ELMO1: variants seen among roughly 807,000 people sequenced by gnomAD.
The protein encoded by ELMO1 is engulfment and cell motility 1, also known as engulfment and cell motility protein 1.
In ELMO1, 26 loss-of-function variants were observed where a neutral mutation model predicts 98.9. The observed-to-expected ratio is 0.26, with a 90% CI of 0.19 to 0.36. The LOEUF is 0.36. Among genes scored for constraint, ELMO1 ranks in the 10% least tolerant of loss-of-function variants. The probability of loss-of-function intolerance (pLI) is 1.00; values close to 1 mark genes in which losing one functional copy is unlikely to be tolerated. For missense variants in ELMO1, 627 were observed against 935.2 expected, an observed-to-expected ratio of 0.67 and a Z score of 4.30; for synonymous variants, 346 against 346.0, an observed-to-expected ratio of 1.00 and a Z score of 0.00.
chr7:37,257,083 CTCCTGCTCA>C (rs911409956), intron 6 of ELMO1, among the ~76,000 whole-genome samples: 1 of 152,224 alleles, frequency 6.6e-6, no homozygotes, highest in Non-Finnish European at 1.5e-5. Flanking sequence ...CAGGGGCAGC[CTCCTGCTCA>C]TCCTAGCAGG....
At chr7:37,265,150 C>A (rs151094226) in intron 5 of ELMO1, among the ~76,000 whole-genome samples, 29 of 152,236 alleles carry the variant, frequency 1.9e-4, no homozygotes, top group African/African-American at 6.5e-4. Flanking sequence ...CATCTTCCTA[C>A]TTCTAACAGC....
At chr7:37,274,107 A>G (rs10951513) in intron 4 of ELMO1, among the ~76,000 whole-genome samples, 12,634 of 152,164 alleles carry the variant, frequency 0.083, 708 homozygotes, top group African/African-American at 0.15. Flanking sequence ...CATTGTTACT[A>G]GAAGCATGCA....
intron 1 of ELMO1, among the ~76,000 whole-genome samples, chr7:37,441,962 T>TA (rs1805431897): frequency 1.3e-5 from 2 of 152,240 alleles, no homozygotes; most frequent in South Asian, 4.1e-4. Context: ...GGGGCACTTA[T>TA]AACTGCTGTT....
At chr7:36,901,207 T>G (rs1806479658) in intron 16 of ELMO1, among the ~76,000 whole-genome samples, 1 of 151,914 alleles carries the variant, frequency 6.6e-6, no homozygotes, top group African/African-American at 2.4e-5. Flanking sequence ...GATCAGGGAG[T>G]GGAGTACCTA....
At chr7:36,972,653 C>G (rs138067670) in intron 16 of ELMO1, among the ~76,000 whole-genome samples, 1 of 152,282 alleles carries the variant, frequency 6.6e-6, no homozygotes, top group African/African-American at 2.4e-5. Flanking sequence ...GGACACTAGT[C>G]ACACTGGATT....
chr7:37,440,729 A>G (rs1805379131), intron 1 of ELMO1, among the ~76,000 whole-genome samples: 1 of 151,370 alleles, frequency 6.6e-6, no homozygotes, highest in Non-Finnish European at 1.5e-5. Context: ...AGATCGCGCC[A>G]CTACACTCCA....
At chr7:37,168,827 G>T (rs200903905) in intron 13 of ELMO1, among the ~76,000 whole-genome samples, 4 of 151,878 alleles carry the variant, frequency 2.6e-5, no homozygotes, top group African/African-American at 4.8e-5. Context: ...CCCATTCTCA[G>T]ATCTCCAGCT....
At chr7:37,280,248 T>C (rs1420318707) in intron 4 of ELMO1, among the ~76,000 whole-genome samples, 1 of 152,184 alleles carries the variant, frequency 6.6e-6, no homozygotes, top group Non-Finnish European at 1.5e-5. Context: ...CTATAAAAAT[T>C]CTAGCAGATA....
chr7:37,226,127 G>C (rs1322112453), intron 8 of ELMO1, among the ~76,000 whole-genome samples: 1 of 152,154 alleles, frequency 6.6e-6, no homozygotes, highest in Admixed American at 6.5e-5. Flanking sequence ...GGAGGGGTGG[G>C]AGACGCAGAT....
intron 1 of ELMO1, among the ~76,000 whole-genome samples, chr7:37,436,297 C>G (rs1805140719): frequency 6.6e-6 from 1 of 152,162 alleles, no homozygotes; most frequent in African/African-American, 2.4e-5. Flanking sequence ...ACAGCGGACA[C>G]TGTAGTTGCT....
At chr7:37,150,379 ACAAT>A (rs1375389682) in intron 13 of ELMO1, among the ~76,000 whole-genome samples, 6 of 151,596 alleles carry the variant, frequency 4.0e-5, no homozygotes, top group Non-Finnish European at 7.4e-5. Flanking sequence ...CCACATTCAC[ACAAT>A]CAGTGTGTTG....
intron 1 of ELMO1, among the ~76,000 whole-genome samples, chr7:37,349,923 T>C (rs555129111): frequency 6.6e-6 from 1 of 152,350 alleles, no homozygotes; most frequent in East Asian, 1.9e-4. Flanking sequence ...GGTCAAGGAA[T>C]ACATGAAGTC....
In ELMO1 at chr7:37,145,086, G is replaced by A. The variant is rs1584715721; in HGVS notation, c.1087-11852C>T. Among the ~76,000 whole-genome samples the A allele has an allele frequency of 2.0e-5, 3 of 152,176 alleles. No homozygotes were observed. In the South Asian group the frequency reaches 6.2e-4, roughly 32 times the overall value. The stretch of plus-strand genomic sequence containing the variant: ...ACTTGAGCAGGCATCTGAATTTCTT[G>A]GAGGACTTGTTAAAGCACTGATTGC... On this transcript the variant is annotated intron_variant, in intron 13 of 21. Coordinates refer to ENST00000310758, the MANE Select transcript of ELMO1 (RefSeq NM_014800.11).
At chr7:37,095,597 C>T (rs1784328138) in intron 15 of ELMO1, among the ~76,000 whole-genome samples, 1 of 152,232 alleles carries the variant, frequency 6.6e-6, no homozygotes, top group Non-Finnish European at 1.5e-5. Context: ...AAGTTTTCCA[C>T]TTGGCCAACC....
intron 13 of ELMO1, among the ~76,000 whole-genome samples, chr7:37,165,216 T>C (rs1173312804): frequency 6.6e-6 from 1 of 152,252 alleles, no homozygotes; most frequent in Admixed American, 6.5e-5. Flanking sequence ...AAGTTGCTTA[T>C]CAGCTTAAGG....
chr7:37,216,068 C>T lies in ELMO1; in HGVS notation c.831+577G>A, dbSNP rs73108953. On this transcript the variant is annotated intron_variant, in intron 11 of 21. Transcript: ENST00000310758. The stretch of plus-strand genomic sequence containing the variant: ...TTCAAGTAGCTGGTAAGTCAAATAG[C>T]GGGTAAGGCCTCAGGAAATCTTGTT... 3.6e-3 allele frequency among the ~76,000 whole-genome samples: 543 copies of T among 149,612 alleles called. 3 individuals carry two copies. Among genetic ancestry groups the T allele is most frequent in the Admixed American group, 6.1e-3 (91 of 15,010 alleles).
At position 37,216,715 on chromosome 7, in the gene ELMO1, CCACA is replaced by C. The variant is rs779609306; in HGVS notation, c.781-24_781-21del. On this transcript the variant is annotated intron_variant, in intron 10 of 21. Coordinates refer to ENST00000310758, the MANE Select transcript of ELMO1 (RefSeq NM_014800.11). ...CATCTCCTGTGGAAGAAAAACACAC[CCACA>C]CAAAGGCTTAGGTTAGAAAGCTACA... 1.7e-3 allele frequency: 2,733 copies of C among 1,613,964 alleles called. 9 individuals carry two copies. Among genetic ancestry groups the C allele is most frequent in the Middle Eastern group, 3.3e-3 (20 of 6,060 alleles).
chr7:36,952,850 C>G (rs1353056243), intron 16 of ELMO1, among the ~76,000 whole-genome samples: 1 of 151,722 alleles, frequency 6.6e-6, no homozygotes, highest in Non-Finnish European at 1.5e-5. Context: ...CTGGAGGAGA[C>G]AGACCTCTTT....
At chr7:36,881,083 T>G (rs1209894710) in intron 18 of ELMO1, among the ~76,000 whole-genome samples, 2 of 152,180 alleles carry the variant, frequency 1.3e-5, no homozygotes, top group Admixed American at 6.5e-5. Flanking sequence ...CAGATATAAG[T>G]GATGTGTTCC....
Sources: gnomAD v4.1 joint callset for allele counts (sites outside exome capture counted in the v4.1 genomes callset) on GRCh38, gnomAD v4.1.1 for gene constraint, MANE v1.5 for transcripts, NCBI Gene and HGNC (gene_info 2026-07-23, HGNC 2026-07-21) for gene names.